The following GALNT14 variants were observed in gnomAD, a reference collection of about 807,000 sequenced individuals.
GALNT14 encodes the protein polypeptide N-acetylgalactosaminyltransferase 14, also known as UDP-GalNAc:polypeptide N-acetylgalactosaminyltransferase 14.
In GALNT14, 60 loss-of-function variants were observed where a neutral mutation model predicts 77.5. That is an observed-to-expected ratio of 0.77 (90% CI 0.63 to 0.96). GALNT14 has a LOEUF of 0.96. GALNT14 is among the 40% of genes least tolerant of loss of function. The pLI, the probability that GALNT14 is intolerant of heterozygous loss-of-function variation, is 0.00. For synonymous variants in GALNT14, 280 were observed against 281.7 expected (o/e 0.99, Z 0.06); for missense variants, 710 against 731.0 (o/e 0.97, Z 0.33).
intron 1 of GALNT14, among the ~76,000 whole-genome samples, chr2:31,042,641 G>A (rs1345556563): frequency 1.3e-5 from 2 of 152,024 alleles, no homozygotes; most frequent in Non-Finnish European, 2.9e-5. Flanking sequence ...GAAAACCTTG[G>A]GGTAGCCTTC....
chr2:31,000,620 T>C (rs1257553054), intron 1 of GALNT14, among the ~76,000 whole-genome samples: 1 of 152,138 alleles, frequency 6.6e-6, no homozygotes, highest in Non-Finnish European at 1.5e-5. Flanking sequence ...CCTAAGGTGG[T>C]CTGCTGGCAG....
intron 1 of GALNT14, among the ~76,000 whole-genome samples, chr2:31,002,286 C>T (rs951412968): frequency 2.6e-5 from 4 of 151,988 alleles, no homozygotes; most frequent in African/African-American, 7.3e-5. Context: ...AAAAATTACC[C>T]GGGCGTGGTG....
chr2:30,888,163 G>A, the GALNT14 span, among the ~76,000 whole-genome samples: 1 of 152,170 alleles, frequency 6.6e-6, no homozygotes, highest in African/African-American at 2.4e-5. Context: ...TTCCATTCCA[G>A]CCCCATTCCT....
intron 2 of GALNT14, among the ~76,000 whole-genome samples, chr2:30,992,624 G>A (rs967558647): frequency 6.6e-6 from 1 of 152,222 alleles, no homozygotes; most frequent in African/African-American, 2.4e-5. Context: ...GCCTCCTGGT[G>A]GGACCTGCGG....
At chr2:31,097,641 T>C (rs1233643044) in intron 1 of GALNT14, among the ~76,000 whole-genome samples, 1 of 152,176 alleles carries the variant, frequency 6.6e-6, no homozygotes, top group East Asian at 1.9e-4. Context: ...TTTTCAGTTA[T>C]GTTCACTAAT....
chr2:30,933,855 T>G (rs2148258481), intron 9 of GALNT14, among the ~76,000 whole-genome samples: 1 of 152,314 alleles, frequency 6.6e-6, no homozygotes, highest in Non-Finnish European at 1.5e-5. Context: ...AACACTCCAC[T>G]GGAATGCCGT....
rs1558448857 is a variant in GALNT14, at chr2:30,965,524, CCTTCTGGGTGCAGGTCTATG to C, written c.398+660_398+679del. On this transcript the variant is annotated intron_variant, in intron 3 of 14. Coordinates refer to ENST00000349752, the MANE Select transcript of GALNT14 (RefSeq NM_024572.4). ...TCTGGGGGAGGAAATCCTGGGTAAG[CCTTCTGGGTGCAGGTCTATG>C]TTCTGAGGGGAGTTCTGCTAGGGAC... is the stretch of plus-strand genomic sequence containing the variant. Among the ~76,000 whole-genome samples the C allele has an allele frequency of 3.3e-5, 5 of 151,696 alleles. No homozygotes were observed. The East Asian group carries it at 9.8e-4, about 30-fold the overall frequency.
intron 1 of GALNT14, among the ~76,000 whole-genome samples, chr2:31,137,075 C>G (rs1679257796): frequency 6.6e-6 from 1 of 152,164 alleles, no homozygotes; most frequent in Non-Finnish European, 1.5e-5. Flanking sequence ...GTCCCCGGGC[C>G]AAATCTGTGA....
intron 1 of GALNT14, among the ~76,000 whole-genome samples, chr2:31,123,110 A>G (rs1377531555): frequency 7.3e-6 from 1 of 137,494 alleles, no homozygotes; most frequent in African/African-American, 2.7e-5. Flanking sequence ...TGAACTCAGG[A>G]GGCGGAGCTT....
At chr2:31,066,823 G>A (rs1369200238) in intron 1 of GALNT14, among the ~76,000 whole-genome samples, 1 of 151,856 alleles carries the variant, frequency 6.6e-6, no homozygotes, top group Non-Finnish European at 1.5e-5. Flanking sequence ...GAGCTGGGCT[G>A]CCCTCCAGAA....
At chr2:31,133,550 C>T (rs1679086498) in intron 1 of GALNT14, among the ~76,000 whole-genome samples, 1 of 152,152 alleles carries the variant, frequency 6.6e-6, no homozygotes, top group African/African-American at 2.4e-5. Context: ...TTTACATTTC[C>T]AATACCTTCC....
At chr2:31,015,579 A>G (rs1671302202) in intron 1 of GALNT14, among the ~76,000 whole-genome samples, 1 of 152,236 alleles carries the variant, frequency 6.6e-6, no homozygotes, top group Non-Finnish European at 1.5e-5. Flanking sequence ...TTTATGATGG[A>G]GACTGCTGGC....
At chr2:31,120,304 A>G (rs1272618297) in intron 1 of GALNT14, among the ~76,000 whole-genome samples, 3 of 152,204 alleles carry the variant, frequency 2.0e-5, no homozygotes, top group Admixed American at 6.5e-5. Context: ...AGATCTGTAA[A>G]TGTTTATACA....
chr2:31,069,325 G>T (rs1479463606), intron 1 of GALNT14, among the ~76,000 whole-genome samples: 1 of 152,236 alleles, frequency 6.6e-6, no homozygotes, highest in Non-Finnish European at 1.5e-5. Context: ...GTTTGTGAGA[G>T]TGTACTTGTG....
intron 1 of GALNT14, among the ~76,000 whole-genome samples, chr2:31,017,047 G>C (rs183338071): frequency 9.7e-4 from 148 of 152,282 alleles, no homozygotes; most frequent in Non-Finnish European, 1.9e-3. Context: ...GTTAAGCAAG[G>C]GTCTCAAAGC....
intron 9 of GALNT14, among the ~76,000 whole-genome samples, chr2:30,936,412 T>C (rs941897011): frequency 6.6e-6 from 1 of 152,202 alleles, no homozygotes; most frequent in African/African-American, 2.4e-5. Context: ...GCCTGGTTTC[T>C]AAACAAAGGC....
At chr2:31,130,455 G>C (rs1678919527) in intron 1 of GALNT14, among the ~76,000 whole-genome samples, 1 of 152,148 alleles carries the variant, frequency 6.6e-6, no homozygotes, top group Admixed American at 6.5e-5. Context: ...GGCTTTTCAG[G>C]GGACAGAAGA....
At chr2:31,016,752 T>G (rs565296323) in intron 1 of GALNT14, among the ~76,000 whole-genome samples, 1 of 152,266 alleles carries the variant, frequency 6.6e-6, no homozygotes, top group African/African-American at 2.4e-5. Flanking sequence ...ATGAGATACA[T>G]CCTTGCAGAG....
At chr2:30,924,620 C>A in intron 12 of GALNT14, 120 bp downstream of exon 12, 2 of 769,400 alleles carry the variant, frequency 2.6e-6, no homozygotes, top group South Asian at 3.4e-5. Context: ...GGTCTTCTTA[C>A]ACCTCTGATA....
Sources: gnomAD v4.1 joint callset for allele counts (sites outside exome capture counted in the v4.1 genomes callset) on GRCh38, gnomAD v4.1.1 for gene constraint, MANE v1.5 for transcripts, NCBI Gene and HGNC (gene_info 2026-07-23, HGNC 2026-07-21) for gene names.